The following TBX19 variants were observed in gnomAD, a reference collection of about 807,000 sequenced individuals.
The protein encoded by TBX19 is T-box transcription factor 19.
A neutral mutation model predicts 40.9 loss-of-function variants in TBX19; 33 were observed. The observed-to-expected ratio is 0.81, with a 90% CI of 0.61 to 1.08. The LOEUF (loss-of-function observed/expected upper bound fraction) is 1.08. TBX19 is among the 50% of genes least tolerant of loss of function. The probability of loss-of-function intolerance (pLI) is 0.00; values close to 1 mark genes in which losing one functional copy is unlikely to be tolerated. For missense variants in TBX19, 494 were observed against 574.0 expected (o/e 0.86, Z 1.42); for synonymous variants, 220 against 225.0 (o/e 0.98, Z 0.20).
intron 1 of TBX19, among the ~76,000 whole-genome samples, chr1:168,288,634 C>G (rs1019810625): frequency 1.3e-5 from 2 of 152,156 alleles, no homozygotes; most frequent in Non-Finnish European, 2.9e-5. Context: ...AAGACACCAG[C>G]CATGCTCTCA....
chr1:168,306,592 C>T (rs1474348559), intron 6 of TBX19, among the ~76,000 whole-genome samples: 1 of 136,236 alleles, frequency 7.3e-6, no homozygotes. Flanking sequence ...TGCCACTGCA[C>T]TCTAGCCTGG....
chr1:168,291,555 T>G, intron 2 of TBX19, 131 bp downstream of exon 2: 1 of 1,275,384 alleles, frequency 7.8e-7, no homozygotes, highest in South Asian at 1.3e-5. Context: ...AGCCAATTAT[T>G]CCCGGGAGTC....
chr1:168,298,425 C>T (rs894186256), intron 4 of TBX19, among the ~76,000 whole-genome samples: 1 of 152,064 alleles, frequency 6.6e-6, no homozygotes, highest in Non-Finnish European at 1.5e-5. Context: ...CTAATTACTT[C>T]TGAGTAGCAT....
At chr1:168,298,777 T>C (rs1649181218) in intron 4 of TBX19, among the ~76,000 whole-genome samples, 1 of 97,132 alleles carries the variant, frequency 1.0e-5, no homozygotes, top group Non-Finnish European at 2.2e-5. Context: ...TTCCCTTCCC[T>C]TCCCTCCCTC....
intron 1 of TBX19, among the ~76,000 whole-genome samples, chr1:168,281,538 A>G (rs770419669): frequency 6.6e-6 from 1 of 152,270 alleles, no homozygotes; most frequent in Non-Finnish European, 1.5e-5. Flanking sequence ...GGAAATTACC[A>G]TAAAGTGGGG....
At chr1:168,286,407 C>T (rs1648806060) in intron 1 of TBX19, among the ~76,000 whole-genome samples, 1 of 152,208 alleles carries the variant, frequency 6.6e-6, no homozygotes, top group Admixed American at 6.5e-5. Flanking sequence ...CCTCTGGCAA[C>T]CACTAATCTA....
At chr1:168,297,379 A>T (rs925170625) in intron 3 of TBX19, among the ~76,000 whole-genome samples, 2 of 152,230 alleles carry the variant, frequency 1.3e-5, no homozygotes, top group African/African-American at 4.8e-5. Context: ...AAATAAATAC[A>T]TGAGTAAAAA....
rs139968594 is a variant in TBX19 at position 168,293,211 on chromosome 1, G to A, written c.536G>A (p.Arg179Gln). The change falls in exon 3 of 8, where the codon CGA becomes CAA. Residue 179 changes from arginine (R) to glutamine (Q), a missense_variant. Around this residue, in one of 3 missense-constraint regions of TBX19, gnomAD observed 201 missense variants for 235.2 expected, o/e 0.85. Coordinates refer to ENST00000367821, the MANE Select transcript of TBX19 (RefSeq NM_005149.3). ...ATAGTGCGTGTTGGAAGTGCCCATC[G>A]AATGGTAACAAACTGCTCCTTCCCT... The part of the protein sequence containing the change: ...VHIVRVGSAH[R>Q]MVTNCSFPET... The A allele has an allele frequency of 3.6e-5, 58 of 1,613,646 alleles. No individual in the cohort carries two copies. The highest frequency in any genetic ancestry group is 4.7e-5 in the Non-Finnish European group (56 of 1,179,908).
At chr1:168,310,179 G>T (rs927792919) in intron 7 of TBX19, among the ~76,000 whole-genome samples, 3 of 152,056 alleles carry the variant, frequency 2.0e-5, no homozygotes, top group African/African-American at 7.2e-5. Flanking sequence ...GTGCATGCCT[G>T]TAATCCCAGC....
intron 1 of TBX19, among the ~76,000 whole-genome samples, chr1:168,289,939 A>C (rs1447409432): frequency 6.6e-6 from 1 of 152,150 alleles, no homozygotes; most frequent in African/African-American, 2.4e-5. Flanking sequence ...CACACCTGTA[A>C]TTTCAGCACT....
chr1:168,286,829 T>G (rs1307554231), intron 1 of TBX19, among the ~76,000 whole-genome samples: 1 of 152,230 alleles, frequency 6.6e-6, no homozygotes, highest in Non-Finnish European at 1.5e-5. Flanking sequence ...GGCTGCATCA[T>G]TTTACATCCC....
At position 168,305,109 on chromosome 1, in the gene TBX19, C is replaced by A. The variant is rs1572482225; in HGVS notation, c.829C>A (p.His277Asn). 1 of 1,614,180 alleles carries A rather than the reference C, an allele frequency of 6.2e-7. No individual in the cohort carries two copies. Among genetic ancestry groups the A allele is most frequent in the Non-Finnish European group, 8.5e-7 (1 of 1,180,028 alleles). The change falls in exon 6 of 8, where the codon CAT (histidine) becomes AAT (asparagine). Residue 277 changes from histidine (H) to asparagine (N), a missense_variant. His to Asn is a moderately conservative substitution (Grantham distance 68). Transcript: ENST00000367821. Reference protein sequence around the residue: ...PLPLPAPHTHHGCEHYSGLRG... With the variant: ...PLPLPAPHTHNGCEHYSGLRG... ...GCCTCTGCCTGCTCCCCACACCCAC[C>A]ATGGCTGTGAGCACTATTCGGGTCT...
At chr1:168,289,077 T>C (rs1479749551) in intron 1 of TBX19, among the ~76,000 whole-genome samples, 2 of 152,224 alleles carry the variant, frequency 1.3e-5, no homozygotes. Context: ...AAGTAAACTT[T>C]AGTACTTCAG....
intron 5 of TBX19, 152 bp downstream of exon 5, chr1:168,300,635 C>A: frequency 1.3e-6 from 1 of 748,094 alleles, no homozygotes; most frequent in Admixed American, 2.3e-5. Context: ...AAATTTGTGC[C>A]CTTTCCAGAA....
At chr1:168,312,653 T>G (rs1649551583) in intron 7 of TBX19, 55 bp from the exon 8 acceptor site, 2 of 1,593,806 alleles carry the variant, frequency 1.3e-6, no homozygotes. Flanking sequence ...CAGGTGGCAC[T>G]CCTTCCTTGG....
At chr1:168,283,788 T>C (rs905358307) in intron 1 of TBX19, among the ~76,000 whole-genome samples, 2 of 152,162 alleles carry the variant, frequency 1.3e-5, no homozygotes, top group Non-Finnish European at 2.9e-5. Flanking sequence ...ACCTGGGCCC[T>C]TTTTCATTGA....
chr1:168,283,685 G>A (rs750810045), intron 1 of TBX19, among the ~76,000 whole-genome samples: 21 of 151,886 alleles, frequency 1.4e-4, no homozygotes, highest in Admixed American at 5.9e-4. Flanking sequence ...ATCAACTCCC[G>A]CACCTGGTGC....
chr1:168,313,364 CAG>C lies in TBX19; in HGVS notation c.*365_*366del, dbSNP rs886045516. Reference sequence around the variant, plus strand: ...AAGGTGCAAAGCTGTTAAATGAGCTCAGAGTTTACCTAGCTAAGGCCACTGCT... The same window carrying C: ...AAGGTGCAAAGCTGTTAAATGAGCTCAGTTTACCTAGCTAAGGCCACTGCT... On this transcript the variant is annotated 3_prime_UTR_variant, in exon 8 of 8. Transcript: ENST00000367821. The C allele has an allele frequency of 3.0e-6, 1 of 338,944 alleles. No homozygotes were observed. The highest frequency in any genetic ancestry group is 2.9e-5 in the South Asian group (1 of 34,990). The allele number at this position is 338,944 out of a possible 1,614,324, so 21.0% of individuals were successfully genotyped here.
intron 1 of TBX19, among the ~76,000 whole-genome samples, chr1:168,281,911 C>A (rs1648663794): frequency 6.6e-6 from 1 of 152,100 alleles, no homozygotes; most frequent in Admixed American, 6.6e-5. Context: ...AAAGAAGATG[C>A]CTTCTTTCTT....
Sources: allele counts gnomAD v4.1 joint callset (sites outside exome capture counted in the v4.1 genomes callset), GRCh38; gene constraint gnomAD v4.1.1; regional missense constraint gnomAD v4.1.1; transcripts MANE v1.5; gene names NCBI Gene and HGNC (gene_info 2026-07-23, HGNC 2026-07-21).